TP53BP1: variants seen among roughly 807,000 people sequenced by gnomAD.
TP53BP1 encodes the protein TP53-binding protein 1.
Under a neutral mutation model 200.8 loss-of-function variants are expected in TP53BP1, and 61 were observed. The ratio of observed to expected loss-of-function variants is 0.30; its 90% CI spans 0.25 to 0.38. The LOEUF is 0.38. Among genes scored for constraint, TP53BP1 ranks in the 10% least tolerant of loss-of-function variants. The pLI, the probability that TP53BP1 is intolerant of heterozygous loss-of-function variation, is 1.00. For synonymous variants in TP53BP1, 822 were observed against 844.3 expected (o/e 0.97, Z 0.46); for missense variants, 2,144 against 2,371.9 (o/e 0.90, Z 2.00).
At chr15:43,475,002 G>A (rs1457594129) in intron 9 of TP53BP1, among the ~76,000 whole-genome samples, 1 of 152,130 alleles carries the variant, frequency 6.6e-6, no homozygotes, top group Non-Finnish European at 1.5e-5. Context: ...AAGAGAGTAA[G>A]GGCAAAGTGA....
chr15:43,467,846 C>T (rs908326350), intron 11 of TP53BP1, among the ~76,000 whole-genome samples: 4 of 151,428 alleles, frequency 2.6e-5, no homozygotes, highest in Non-Finnish European at 4.4e-5. Context: ...TGCAGTGGCG[C>T]GATCTCAGCT....
At chr15:43,451,177 TTTTC>T (rs1595570629) in intron 12 of TP53BP1, among the ~76,000 whole-genome samples, 1 of 152,252 alleles carries the variant, frequency 6.6e-6, no homozygotes, top group East Asian at 1.9e-4. Context: ...CCATTACTTT[TTTTC>T]TTTTTTTTTT....
chr15:43,477,520 C>A, intron 8 of TP53BP1, 73 bp downstream of exon 8: 1 of 1,388,188 alleles, frequency 7.2e-7, no homozygotes, highest in Non-Finnish European at 9.5e-7. Context: ...TGTAACTTAA[C>A]CAGTAGCCTC....
chr15:43,403,868 G>C lies in TP53BP1; in HGVS notation c.*3515C>G. 1 of 1,081,098 alleles carries C rather than the reference G, an allele frequency of 9.2e-7. No homozygotes were observed. The highest frequency in any genetic ancestry group is 2.4e-5 in the East Asian group (1 of 42,354). The allele number at this position is 1,081,098 out of a possible 1,614,324, so 67.0% of individuals were successfully genotyped here. A position where few individuals can be genotyped will look rare whatever the true frequency, so the allele number is the denominator to read the frequency against. ...GTGGTTTTGCCAATGGAGAATTCAT[G>C]ATCTTTCCTCTGAGTCAGTAAAGCA... is the stretch of plus-strand genomic sequence containing the variant. On this transcript the variant is annotated 3_prime_UTR_variant, in exon 28 of 28. Transcript: ENST00000382044.
intron 12 of TP53BP1, among the ~76,000 whole-genome samples, chr15:43,451,438 G>A (rs1595571145): frequency 6.6e-6 from 1 of 150,726 alleles, no homozygotes; most frequent in South Asian, 2.1e-4. Flanking sequence ...TGCGGTGTTT[G>A]GTTTTTTGTC....
At chr15:43,453,638 T>G (rs1036528502) in intron 12 of TP53BP1, among the ~76,000 whole-genome samples, 2 of 151,608 alleles carry the variant, frequency 1.3e-5, no homozygotes, top group African/African-American at 4.8e-5. Context: ...AGTGCAGTGA[T>G]ACAATCTCGG....
At position 43,421,786 on chromosome 15, in the gene TP53BP1, C is replaced by G; in HGVS notation, c.4100+69G>C. The G allele has an allele frequency of 2.5e-6, 4 of 1,570,004 alleles. No individual in the cohort carries two copies. In the Admixed American group the frequency reaches 5.4e-5, roughly 21 times the overall value. On this transcript the variant is annotated intron_variant, in intron 19 of 27. Transcript: ENST00000382044. Reference sequence around the variant, plus strand: ...GGGATTTCCCATTACTCCCCTTTTCCTGTGATATTAAAATGTCAGCAACCC... The same window carrying G: ...GGGATTTCCCATTACTCCCCTTTTCGTGTGATATTAAAATGTCAGCAACCC...
chr15:43,492,214 C>T (rs1595629755), intron 2 of TP53BP1, 70 bp downstream of exon 2: 2 of 1,518,064 alleles, frequency 1.3e-6, no homozygotes, highest in Admixed American at 3.7e-5. Context: ...CTTCTAAATA[C>T]TTATGTTTGC....
chr15:43,429,093 T>C (rs577429145), intron 17 of TP53BP1, among the ~76,000 whole-genome samples: 32 of 152,346 alleles, frequency 2.1e-4, no homozygotes, highest in South Asian at 4.1e-4. Context: ...TTAACTAACA[T>C]AGCATCCAGC....
intron 15 of TP53BP1, among the ~76,000 whole-genome samples, chr15:43,440,521 A>T (rs2045902893): frequency 7.1e-6 from 1 of 140,566 alleles, no homozygotes; most frequent in Non-Finnish European, 1.5e-5. Context: ...TCTCAAAAAA[A>T]AAAACAAAAA....
intron 4 of TP53BP1, among the ~76,000 whole-genome samples, chr15:43,482,428 T>C (rs1308996861): frequency 6.6e-6 from 1 of 151,692 alleles, no homozygotes; most frequent in Non-Finnish European, 1.5e-5. Flanking sequence ...TTAAGGTTAG[T>C]TCAAAACCAG....
intron 18 of TP53BP1, 43 bp from the exon 19 acceptor site, chr15:43,422,169 T>C (rs2045420733): frequency 6.3e-7 from 1 of 1,592,318 alleles, no homozygotes; most frequent in East Asian, 2.2e-5. Flanking sequence ...GATGCCATAA[T>C]AACACAATGC....
intron 12 of TP53BP1, among the ~76,000 whole-genome samples, 182 bp from the exon 13 acceptor site, chr15:43,447,667 T>C (rs2046075661): frequency 6.6e-6 from 1 of 152,104 alleles, no homozygotes. Flanking sequence ...CTCCCTTCTA[T>C]CGTCTCTGCT....
chr15:43,432,342 G>A lies in TP53BP1; in HGVS notation c.3527C>T (p.Thr1176Ile). 6.2e-7 allele frequency: 1 copy of A among 1,614,180 alleles called. No homozygotes were observed. Among genetic ancestry groups the A allele is most frequent in the East Asian group, 2.2e-5 (1 of 44,882 alleles). The change falls in exon 17 of 28, where the codon ACC becomes ATC. Residue 1176 changes from threonine to isoleucine, a missense_variant. Around this residue, in one of 4 missense-constraint regions of TP53BP1, gnomAD observed 1,700 missense variants for 1,710.3 expected, o/e 0.99. Coordinates refer to ENST00000382044, the MANE Select transcript of TP53BP1 (RefSeq NM_001141980.3). Reference sequence around the variant, plus strand: ...CTCACACACATTCTTTATAGTCTGGGTTGCTGCTGAAACAGTTTCTGGGAC... The same window carrying A: ...CTCACACACATTCTTTATAGTCTGGATTGCTGCTGAAACAGTTTCTGGGAC... The part of the protein sequence containing the change: ...LRVPETVSAA[T>I]QTIKNVCEQG...
intron 11 of TP53BP1, among the ~76,000 whole-genome samples, chr15:43,467,060 C>CT (rs71307480): frequency 0.18 from 26,151 of 145,870 alleles, 2,402 homozygotes; most frequent in Middle Eastern, 0.29. Context: ...TAAAGGTATT[C>CT]TTTTTTTTTT....
In TP53BP1 at chr15:43,407,589, A is replaced by T; in HGVS notation, c.5747-19T>A. 1 of 1,598,950 alleles carries T rather than the reference A, an allele frequency of 6.3e-7. No individual in the cohort carries two copies. The highest frequency in any genetic ancestry group is 8.5e-7 in the Non-Finnish European group (1 of 1,170,568). The stretch of plus-strand genomic sequence containing the variant: ...GCAATATCTGCAAGGAGCAAGGGAA[A>T]GTGAAGAAGGAAAGGACACTCAACT... On this transcript the variant is annotated intron_variant, in intron 27 of 27. Coordinates refer to ENST00000382044, the MANE Select transcript of TP53BP1 (RefSeq NM_001141980.3).
rs1397993670 is a variant in TP53BP1 at position 43,468,765 on chromosome 15, A to C, written c.1389+1093T>G. Among the ~76,000 whole-genome samples the C allele has an allele frequency of 2.0e-5, 3 of 152,216 alleles. No homozygotes were observed. In the East Asian group the frequency reaches 5.8e-4, roughly 29 times the overall value. ...TATCAATATCCCCATCATTTGACTG[A>C]TGAGCAAACTAAGATTCAATTTCAA... On this transcript the variant is annotated intron_variant, in intron 11 of 27. Coordinates refer to ENST00000382044, the MANE Select transcript of TP53BP1 (RefSeq NM_001141980.3).
At chr15:43,482,586 G>A (rs1387321864) in intron 4 of TP53BP1, among the ~76,000 whole-genome samples, 1 of 152,136 alleles carries the variant, frequency 6.6e-6, no homozygotes, top group East Asian at 1.9e-4. Flanking sequence ...GGCGAACAAG[G>A]TGAAACCCTG....
At position 43,480,052 on chromosome 15, in the gene TP53BP1, C is replaced by T. The variant is rs150357589; in HGVS notation, c.500-35G>A. ...AAATGCCAAGAAATTAGGTATCATC[C>T]CACAACATTATGCAATGTACAAGCT... On this transcript the variant is annotated intron_variant, in intron 5 of 27. Coordinates refer to ENST00000382044, the MANE Select transcript of TP53BP1 (RefSeq NM_001141980.3). The T allele has an allele frequency of 4.6e-5, 73 of 1,600,702 alleles. No individual in the cohort carries two copies. In the African/African-American group the frequency reaches 9.5e-4, roughly 21 times the overall value.
Sources: allele counts gnomAD v4.1 joint callset (sites outside exome capture counted in the v4.1 genomes callset), GRCh38; gene constraint gnomAD v4.1.1; regional missense constraint gnomAD v4.1.1; transcripts MANE v1.5; gene names NCBI Gene and HGNC (gene_info 2026-07-23, HGNC 2026-07-21).